The following MYLK4 variants were observed in gnomAD, a reference collection of about 807,000 sequenced individuals.
MYLK4 encodes myosin light chain kinase family member 4, also known as caMLCK like.
A neutral mutation model predicts 48.1 loss-of-function variants in MYLK4; 46 were observed. That is an observed-to-expected ratio of 0.96 (90% CI 0.75 to 1.22). MYLK4 has a LOEUF of 1.22. MYLK4 is among the 50% of genes most tolerant of loss of function. The probability of loss-of-function intolerance (pLI) is 0.00; values close to 1 mark genes in which losing one functional copy is unlikely to be tolerated. For missense variants in MYLK4, 451 were observed against 486.1 expected, an observed-to-expected ratio of 0.93 and a Z score of 0.68; for synonymous variants, 170 against 180.8, an observed-to-expected ratio of 0.94 and a Z score of 0.48.
intron 2 of MYLK4, among the ~76,000 whole-genome samples, chr6:2,747,177 A>C (rs892302257): frequency 6.6e-6 from 1 of 152,178 alleles, no homozygotes; most frequent in African/African-American, 2.4e-5. Flanking sequence ...GAGACTTACT[A>C]TAAAGGACAT....
At chr6:2,765,593 C>A in the MYLK4 span, 5 of 1,471,762 alleles carry the variant, frequency 3.4e-6, no homozygotes, top group Non-Finnish European at 4.5e-6. Context: ...GCTGCGGCCG[C>A]GCCGGGCGCC....
chr6:2,756,673 C>T, the MYLK4 span, among the ~76,000 whole-genome samples: 2 of 152,284 alleles, frequency 1.3e-5, no homozygotes, highest in East Asian at 3.9e-4. Flanking sequence ...CATATGTAAC[C>T]CCCTCCCACT....
At chr6:2,738,506 A>G (rs1763779843) in intron 2 of MYLK4, among the ~76,000 whole-genome samples, 1 of 152,240 alleles carries the variant, frequency 6.6e-6, no homozygotes, top group Admixed American at 6.5e-5. Flanking sequence ...CATTCGTTCC[A>G]ACAATTAGGA....
chr6:2,690,980 C>G (rs185642132), intron 3 of MYLK4, among the ~76,000 whole-genome samples: 1 of 152,006 alleles, frequency 6.6e-6, no homozygotes, highest in Admixed American at 6.5e-5. Flanking sequence ...AGGCGCCCGC[C>G]ACCACGCCCG....
the MYLK4 span, chr6:2,765,648 A>G: frequency 6.5e-7 from 1 of 1,544,504 alleles, no homozygotes; most frequent in South Asian, 1.1e-5. Context: ...CCGGAAGACG[A>G]CCCCTTCCTT....
At chr6:2,694,963 T>C (rs1762008377) in intron 2 of MYLK4, among the ~76,000 whole-genome samples, 1 of 152,120 alleles carries the variant, frequency 6.6e-6, no homozygotes, top group South Asian at 2.1e-4. Context: ...TATTGAGATC[T>C]ACTACATAGT....
rs1762498090 is a variant in MYLK4, at chr6:2,706,598, G to A, written c.160-13739C>T. ...AAACTGTATTAGCACCTGTGGTATC[G>A]AAAGAGAAACTTTAGCTTTGGACTA... is the stretch of plus-strand genomic sequence containing the variant. On this transcript the variant is annotated intron_variant, in intron 2 of 12. Coordinates refer to ENST00000274643, the MANE Select transcript of MYLK4 (RefSeq NM_001012418.5). Among the ~76,000 whole-genome samples, 3 of 152,100 alleles carry A rather than the reference G, an allele frequency of 2.0e-5. No homozygotes were observed. The South Asian group carries it at 6.2e-4, about 31-fold the overall frequency.
chr6:2,683,315 T>C (rs1241431967), intron 6 of MYLK4, among the ~76,000 whole-genome samples, 153 bp from the exon 7 acceptor site: 1 of 152,142 alleles, frequency 6.6e-6, no homozygotes, highest in Admixed American at 6.5e-5. Context: ...ACTTAGATGA[T>C]TCTTATCTTG....
chr6:2,758,134 C>T, the MYLK4 span, among the ~76,000 whole-genome samples: 1 of 152,040 alleles, frequency 6.6e-6, no homozygotes, highest in Non-Finnish European at 1.5e-5. Flanking sequence ...TATTGTTATT[C>T]ATGTTATCAG....
At chr6:2,679,231 A>C in intron 9 of MYLK4, 49 bp downstream of exon 9, 1 of 1,608,416 alleles carries the variant, frequency 6.2e-7, no homozygotes, top group African/African-American at 1.3e-5. Flanking sequence ...AACCTCAGAA[A>C]ATATGCATGG....
At chr6:2,683,423 G>GTGTGTGTGTT (rs1450124477) in intron 6 of MYLK4, among the ~76,000 whole-genome samples, 1 of 138,942 alleles carries the variant, frequency 7.2e-6, no homozygotes, top group African/African-American at 2.7e-5. Context: ...GTGTGTGTGT[G>GTGTGTGTGTT]TGTGTGTGTG....
At chr6:2,760,643 T>C in the MYLK4 span, among the ~76,000 whole-genome samples, 3 of 152,178 alleles carry the variant, frequency 2.0e-5, no homozygotes, top group African/African-American at 7.2e-5. Flanking sequence ...AGGCTGTATA[T>C]ACTCCTTTTT....
chr6:2,725,992 G>A (rs374896346), intron 2 of MYLK4, among the ~76,000 whole-genome samples: 4 of 152,192 alleles, frequency 2.6e-5, no homozygotes, highest in South Asian at 4.1e-4. Context: ...ATATAACAAG[G>A]TGAGTAAGAT....
At chr6:2,721,053 C>A (rs555693913) in intron 2 of MYLK4, among the ~76,000 whole-genome samples, 3 of 152,096 alleles carry the variant, frequency 2.0e-5, no homozygotes, top group Admixed American at 1.3e-4. Flanking sequence ...CCCAGCTACT[C>A]GGGAGGCCAA....
At chr6:2,695,585 A>G (rs183538197) in intron 2 of MYLK4, among the ~76,000 whole-genome samples, 7 of 152,194 alleles carry the variant, frequency 4.6e-5, no homozygotes, top group Non-Finnish European at 7.3e-5. Flanking sequence ...TTTCCATTTA[A>G]ATAATGTAAG....
At chr6:2,747,045 T>A (rs1238809536) in intron 2 of MYLK4, among the ~76,000 whole-genome samples, 1 of 152,210 alleles carries the variant, frequency 6.6e-6, no homozygotes, top group African/African-American at 2.4e-5. Context: ...CTCTAGGCCC[T>A]TCTCCATTTA....
chr6:2,757,889 G>C, the MYLK4 span, among the ~76,000 whole-genome samples: 1 of 152,154 alleles, frequency 6.6e-6, no homozygotes. Context: ...TCCCAGCCTA[G>C]TGGGAAAGTC....
chr6:2,667,837 G>C lies in MYLK4; in HGVS notation c.*88C>G, dbSNP rs12206682. On this transcript the variant is annotated 3_prime_UTR_variant, in exon 13 of 13. Coordinates refer to ENST00000274643, the MANE Select transcript of MYLK4 (RefSeq NM_001012418.5). ...ACTACCAGGTCATCACAGGGGTCAA[G>C]GCATCAGAACTGCTGATTTTTCAAA... 0.37 allele frequency: 56,808 copies of C among 152,234 alleles called. 10,824 individuals carry two copies. Among genetic ancestry groups the C allele is most frequent in the Non-Finnish European group, 0.4 (27,334 of 67,888 alleles). 9.4% of individuals were successfully genotyped at this position (152,234 alleles called of 1,614,324 possible). A position where few individuals can be genotyped will look rare whatever the true frequency, so the allele number is the denominator to read the frequency against.
the MYLK4 span, among the ~76,000 whole-genome samples, chr6:2,762,963 T>C: frequency 9.9e-5 from 15 of 152,044 alleles, no homozygotes; most frequent in African/African-American, 3.1e-4. Context: ...CACCAGCTAA[T>C]GCAAAAAATA....
Sources: allele counts gnomAD v4.1 joint callset (sites outside exome capture counted in the v4.1 genomes callset), GRCh38; gene constraint gnomAD v4.1.1; transcripts MANE v1.5; gene names NCBI Gene and HGNC (gene_info 2026-07-23, HGNC 2026-07-21).